The following DIP2C variants were observed in gnomAD, a reference collection of about 807,000 sequenced individuals.
The protein encoded by DIP2C is disco-interacting protein 2 homolog C.
Under a neutral mutation model 192.4 loss-of-function variants are expected in DIP2C, and 33 were observed. That is an observed-to-expected ratio of 0.17 (90% CI 0.13 to 0.23). The LOEUF (loss-of-function observed/expected upper bound fraction) is 0.23. DIP2C is among the 10% of genes least tolerant of loss of function. The probability of loss-of-function intolerance (pLI) is 1.00; values close to 1 mark genes in which losing one functional copy is unlikely to be tolerated. For missense variants in DIP2C, 1,537 were observed against 2,110.1 expected (o/e 0.73, Z 5.32); for synonymous variants, 979 against 864.1 (o/e 1.13, Z -2.33).
chr10:543,241 C>A (rs1193646737), intron 1 of DIP2C, among the ~76,000 whole-genome samples: 1 of 152,234 alleles, frequency 6.6e-6, no homozygotes, highest in Non-Finnish European at 1.5e-5. Flanking sequence ...TTCCCACTCG[C>A]CTGTCCTCTG....
chr10:471,382 C>T (rs546057472), intron 3 of DIP2C, among the ~76,000 whole-genome samples: 2 of 152,266 alleles, frequency 1.3e-5, no homozygotes, highest in African/African-American at 2.4e-5. Flanking sequence ...CATTACAGCA[C>T]GACTGACACT....
intron 1 of DIP2C, among the ~76,000 whole-genome samples, chr10:517,961 T>C (rs1310480892): frequency 6.6e-6 from 1 of 152,094 alleles, no homozygotes; most frequent in Non-Finnish European, 1.5e-5. Flanking sequence ...TTCCTACACC[T>C]CCACAGGAAA....
chr10:574,368 A>G lies in DIP2C; in HGVS notation c.86-87838T>C, dbSNP rs7909986. On this transcript the variant is annotated intron_variant, in intron 1 of 36. Transcript: ENST00000280886. The stretch of plus-strand genomic sequence containing the variant: ...TAGAATAACCATTCCATTATTTTAC[A>G]TAAATACAAATGATAAAGTAGAATA... Among the ~76,000 whole-genome samples, 454 of 152,360 alleles carry G rather than the reference A, an allele frequency of 3.0e-3. 1 individual carries two copies. Among genetic ancestry groups the G allele is most frequent in the African/African-American group, 0.01 (426 of 41,586 alleles).
At chr10:504,862 C>A (rs1588324053) in intron 1 of DIP2C, among the ~76,000 whole-genome samples, 1 of 152,314 alleles carries the variant, frequency 6.6e-6, no homozygotes, top group African/African-American at 2.4e-5. Flanking sequence ...ACCCTCAGCT[C>A]CAGCGGTGCT....
intron 1 of DIP2C, among the ~76,000 whole-genome samples, chr10:541,204 G>A (rs938857177): frequency 3.9e-5 from 6 of 152,066 alleles, no homozygotes; most frequent in African/African-American, 1.5e-4. Context: ...CAACATTCAT[G>A]GACCCTGAGT....
intron 29 of DIP2C, among the ~76,000 whole-genome samples, chr10:338,371 A>ACCT (rs1354039047): frequency 6.6e-6 from 1 of 150,632 alleles, no homozygotes; most frequent in Non-Finnish European, 1.5e-5. Flanking sequence ...TCGCCAACTC[A>ACCT]CCTGGGCAAC....
chr10:292,151 G>C (rs1214543297), intron 32 of DIP2C, among the ~76,000 whole-genome samples: 1 of 152,228 alleles, frequency 6.6e-6, no homozygotes, highest in Non-Finnish European at 1.5e-5. Flanking sequence ...GAGGAAACCT[G>C]TCAGCTCCAG....
intron 1 of DIP2C, among the ~76,000 whole-genome samples, chr10:621,542 C>T (rs1853852385): frequency 6.6e-6 from 1 of 152,234 alleles, no homozygotes; most frequent in Non-Finnish European, 1.5e-5. Flanking sequence ...TCTGTCCCTG[C>T]AGCCTGAGTC....
At chr10:552,200 T>C (rs930638724) in intron 1 of DIP2C, among the ~76,000 whole-genome samples, 2 of 152,242 alleles carry the variant, frequency 1.3e-5, no homozygotes, top group Admixed American at 1.3e-4. Context: ...CTATCCATAC[T>C]TTCTACCTGA....
At chr10:336,903 T>G (rs1403663257) in intron 29 of DIP2C, among the ~76,000 whole-genome samples, 2 of 101,338 alleles carry the variant, frequency 2.0e-5, no homozygotes, top group Non-Finnish European at 4.6e-5. Context: ...CAGGTGTGTG[T>G]GTGTGTGTGT....
At chr10:611,529 T>A (rs1194692203) in intron 1 of DIP2C, among the ~76,000 whole-genome samples, 1 of 152,144 alleles carries the variant, frequency 6.6e-6, no homozygotes, top group Non-Finnish European at 1.5e-5. Context: ...GGCATCCTAT[T>A]TGTCTCTTAC....
At chr10:360,492 T>TAC (rs2132708871) in intron 22 of DIP2C, among the ~76,000 whole-genome samples, 1 of 152,336 alleles carries the variant, frequency 6.6e-6, no homozygotes, top group African/African-American at 2.4e-5. Context: ...TCAAATATCC[T>TAC]ACCATGCAAT....
chr10:540,248 T>TG (rs1847904757), intron 1 of DIP2C, among the ~76,000 whole-genome samples: 1 of 152,258 alleles, frequency 6.6e-6, no homozygotes, highest in African/African-American at 2.4e-5. Flanking sequence ...CCAAAGCTTA[T>TG]GTACTTGGAA....
chr10:491,989 C>G (rs188582115), intron 1 of DIP2C, among the ~76,000 whole-genome samples: 1 of 151,974 alleles, frequency 6.6e-6, no homozygotes, highest in African/African-American at 2.4e-5. Flanking sequence ...AATCCCGACC[C>G]CAGAAAACAG....
chr10:572,121 T>A (rs1324189630), intron 1 of DIP2C, among the ~76,000 whole-genome samples: 1 of 152,314 alleles, frequency 6.6e-6, no homozygotes, highest in East Asian at 1.9e-4. Context: ...GTTATCCTAG[T>A]GGTAACAGGA....
chr10:465,882 T>C (rs1488102182), intron 3 of DIP2C, among the ~76,000 whole-genome samples: 1 of 151,216 alleles, frequency 6.6e-6, no homozygotes, highest in Non-Finnish European at 1.5e-5. Flanking sequence ...CTCAAGGAAA[T>C]AAAAGAGGAT....
At chr10:291,632 CCA>C (rs772563949) in intron 32 of DIP2C, among the ~76,000 whole-genome samples, 18 of 152,306 alleles carry the variant, frequency 1.2e-4, no homozygotes, top group African/African-American at 2.4e-4. Flanking sequence ...GTAGTGTTCT[CCA>C]CAGTTACAGA....
At chr10:277,821 A>T (rs1954594172) in intron 36 of DIP2C, among the ~76,000 whole-genome samples, 1 of 151,580 alleles carries the variant, frequency 6.6e-6, no homozygotes, top group African/African-American at 2.4e-5. Context: ...CTGTTTCACC[A>T]TCTTCCCGAG....
intron 15 of DIP2C, 61 bp from the exon 16 acceptor site, chr10:384,207 A>G (rs1031104552): frequency 2.5e-6 from 4 of 1,589,094 alleles, no homozygotes; most frequent in African/African-American, 1.4e-5. Flanking sequence ...CCTATTGCAA[A>G]AGAGAGATCA....
Sources: gnomAD v4.1 joint callset for allele counts (sites outside exome capture counted in the v4.1 genomes callset) on GRCh38, gnomAD v4.1.1 for gene constraint, MANE v1.5 for transcripts, NCBI Gene and HGNC (gene_info 2026-07-23, HGNC 2026-07-21) for gene names.